The following CCM2L variants were observed in gnomAD, a reference collection of about 807,000 sequenced individuals.
CCM2L encodes CCM2 like scaffold protein, also known as cerebral cavernous malformations 2 protein-like.
In CCM2L, 36 loss-of-function variants were observed where a neutral mutation model predicts 54.1. The observed-to-expected ratio is 0.67, with a 90% confidence interval of 0.51 to 0.88. The LOEUF is 0.88. CCM2L is among the 40% of genes least tolerant of loss of function. The pLI is 0.00. For synonymous variants in CCM2L, 351 were observed against 359.3 expected, an observed-to-expected ratio of 0.98 and a Z score of 0.26; for missense variants, 700 against 812.1, an observed-to-expected ratio of 0.86 and a Z score of 1.68.
At chr20:32,015,477 T>A (rs2064733716) in intron 2 of CCM2L, among the ~76,000 whole-genome samples, 1 of 152,238 alleles carries the variant, frequency 6.6e-6, no homozygotes, top group Non-Finnish European at 1.5e-5. Context: ...CAAAGGTTTT[T>A]AAAGGAAAAG....
intron 1 of CCM2L, among the ~76,000 whole-genome samples, chr20:32,012,523 G>A (rs767073185): frequency 6.6e-5 from 10 of 152,166 alleles, no homozygotes; most frequent in Non-Finnish European, 1.3e-4. Context: ...TTATGCTGAT[G>A]GCTGTGGGGC....
At chr20:32,023,966 C>A (rs567749742) in intron 6 of CCM2L, among the ~76,000 whole-genome samples, 77 of 152,244 alleles carry the variant, frequency 5.1e-4, no homozygotes, top group African/African-American at 1.8e-3. Context: ...ATCTCTTGAC[C>A]TCGTGATCTG....
intron 1 of CCM2L, among the ~76,000 whole-genome samples, chr20:32,013,921 A>C (rs2064715636): frequency 6.6e-6 from 1 of 152,120 alleles, no homozygotes; most frequent in Non-Finnish European, 1.5e-5. Context: ...GATAATCTGC[A>C]TTTCTCTCAG....
At chr20:32,013,367 G>A (rs1264103518) in intron 1 of CCM2L, among the ~76,000 whole-genome samples, 2 of 152,130 alleles carry the variant, frequency 1.3e-5, no homozygotes, top group African/African-American at 4.8e-5. Context: ...CAGTTGGTTG[G>A]GAGTGTAACC....
At chr20:32,015,627 T>C (rs1049675123) in intron 2 of CCM2L, among the ~76,000 whole-genome samples, 2 of 152,234 alleles carry the variant, frequency 1.3e-5, no homozygotes, top group African/African-American at 4.8e-5. Context: ...TGTGATGGCC[T>C]TTGTGCAAAG....
At chr20:32,020,210 C>G (rs2122341276) in intron 5 of CCM2L, among the ~76,000 whole-genome samples, 1 of 152,296 alleles carries the variant, frequency 6.6e-6, no homozygotes, top group South Asian at 2.1e-4. Context: ...ACCACCAGAT[C>G]CCTCCGTATA....
chr20:32,031,413 G>A lies in CCM2L; in HGVS notation c.*99G>A. 9.7e-7 allele frequency: 1 copy of A among 1,033,050 alleles called. No individual in the cohort carries two copies. The highest frequency in any genetic ancestry group is 1.3e-6 in the Non-Finnish European group (1 of 799,412). 64.0% of individuals were successfully genotyped at this position (1,033,050 alleles called of 1,614,324 possible). ...CAGGGCCCCCCCATCACACCTGGCG[G>A]GGCCGGGGGGTCTTCACTCCAGGGT... is the stretch of plus-strand genomic sequence containing the variant. On this transcript the variant is annotated 3_prime_UTR_variant, in exon 10 of 10. Coordinates refer to ENST00000452892, the MANE Select transcript of CCM2L (RefSeq NM_001365692.1).
intron 6 of CCM2L, among the ~76,000 whole-genome samples, chr20:32,024,544 A>G (rs1170591997): frequency 1.3e-5 from 2 of 152,082 alleles, no homozygotes; most frequent in Admixed American, 6.6e-5. Context: ...ACACAACCAC[A>G]GGTTGGGCAC....
intron 2 of CCM2L, among the ~76,000 whole-genome samples, chr20:32,015,859 C>CTTTTTATTT (rs2064737045): frequency 7.8e-6 from 1 of 127,924 alleles, no homozygotes; most frequent in South Asian, 2.4e-4. Flanking sequence ...AGCTGTACTT[C>CTTTTTATTT]TTTTTTTTTT....
At chr20:32,023,932 T>A in intron 6 of CCM2L, among the ~76,000 whole-genome samples, 1 of 152,202 alleles carries the variant, frequency 6.6e-6, no homozygotes, top group Non-Finnish European at 1.5e-5. Context: ...GGTTTCACCA[T>A]GTTAGTTGGC....
At chr20:32,016,624 C>G (rs1426168644) in intron 2 of CCM2L, among the ~76,000 whole-genome samples, 2 of 151,934 alleles carry the variant, frequency 1.3e-5, no homozygotes, top group African/African-American at 4.8e-5. Flanking sequence ...CTGCTGCACT[C>G]CAGCCCGGGC....
chr20:32,010,562 G>A, intron 1 of CCM2L, 78 bp downstream of exon 1: 2 of 1,084,326 alleles, frequency 1.8e-6, no homozygotes, highest in African/African-American at 1.6e-5. Flanking sequence ...GGGCGGGGTG[G>A]GGGGTCGGTA....
intron 7 of CCM2L, 90 bp downstream of exon 7, chr20:32,026,009 C>G (rs1303341996): frequency 2.0e-6 from 2 of 978,858 alleles, no homozygotes; most frequent in Non-Finnish European, 2.9e-6. Flanking sequence ...GGTGACCCAA[C>G]CTTGATGTGT....
intron 1 of CCM2L, among the ~76,000 whole-genome samples, chr20:32,012,772 G>A (rs1004921068): frequency 6.6e-6 from 1 of 152,216 alleles, no homozygotes; most frequent in Non-Finnish European, 1.5e-5. Flanking sequence ...GCACCCAGCA[G>A]AGTCCAGCCA....
chr20:32,018,986 A>T lies in CCM2L; in HGVS notation c.510A>T (p.Pro170=), dbSNP rs905950571. 1.4e-5 allele frequency: 19 copies of T among 1,398,282 alleles called. No homozygotes were observed. The highest frequency in any genetic ancestry group is 1.7e-5 in the Non-Finnish European group (18 of 1,080,434). 86.6% of individuals were successfully genotyped at this position (1,398,282 alleles called of 1,614,324 possible). A position where few individuals can be genotyped will look rare whatever the true frequency, so the allele number is the denominator to read the frequency against. The change falls in exon 5 of 10, where the codon CCA becomes CCT. Residue 170 remains proline, a synonymous_variant. Coordinates refer to ENST00000452892, the MANE Select transcript of CCM2L (RefSeq NM_001365692.1). ...TGCCGGCCGGCGTGGATGCCAGCCC[A>T]GGCGGCGCAGGACGCGACCCCGGCC... ...DPVPAGVDAS[P]GGAGRDPGPP...
At position 32,022,799 on chromosome 20, in the gene CCM2L, A is replaced by G. The variant is rs966483630; in HGVS notation, c.1069+4A>G. On this transcript the variant is annotated splice_donor_region_variant and intron_variant, in intron 6 of 9. Transcript: ENST00000452892. The stretch of plus-strand genomic sequence containing the variant: ...CGGCCATGGCTCTGCAGCCGCAGTG[A>G]GTACCAGAACTCCTGGCCTCCCCTC... 1 of 1,612,654 alleles carries G rather than the reference A, an allele frequency of 6.2e-7. No homozygotes were observed. Among genetic ancestry groups the G allele is most frequent in the Non-Finnish European group, 8.5e-7 (1 of 1,179,980 alleles).
At chr20:32,010,538 A>T in intron 1 of CCM2L, 54 bp downstream of exon 1, 1 of 772,412 alleles carries the variant, frequency 1.3e-6, no homozygotes, top group Non-Finnish European at 1.9e-6. Flanking sequence ...AAAGCTGGGG[A>T]AGGGGGCAAA....
Position 32,018,939 on chromosome 20 carries a change from C to A in CCM2L, c.467-4C>A. On this transcript the variant is annotated splice_polypyrimidine_tract_variant and splice_region_variant and intron_variant, in intron 4 of 9. Coordinates refer to ENST00000452892, the MANE Select transcript of CCM2L (RefSeq NM_001365692.1). ...GCGGCTGACGGTCCCCCGGACTCTCCTAGGTCTGGGTGTGGACCCGGTGCC... is the reference window on the plus strand; with the variant it reads ...GCGGCTGACGGTCCCCCGGACTCTCATAGGTCTGGGTGTGGACCCGGTGCC... The A allele has an allele frequency of 7.2e-7, 1 of 1,383,336 alleles. No homozygotes were observed. Among genetic ancestry groups the A allele is most frequent in the South Asian group, 1.6e-5 (1 of 62,470 alleles). 85.7% of individuals were successfully genotyped at this position (1,383,336 alleles called of 1,614,324 possible).
In CCM2L at chr20:32,014,727, T is replaced by A. The variant is rs1347113040; in HGVS notation, c.31-177T>A. Among the ~76,000 whole-genome samples, 3 of 152,212 alleles carry A rather than the reference T, an allele frequency of 2.0e-5. No individual in the cohort carries two copies. The East Asian group carries it at 5.8e-4, about 29-fold the overall frequency. ...CCACCACTACTAGCTGGTGACTTTA[T>A]CAGTTAGTTCCTCTCTAGGGTTTAC... is the stretch of plus-strand genomic sequence containing the variant. On this transcript the variant is annotated intron_variant, in intron 1 of 9. Transcript: ENST00000452892.
Sources: gnomAD v4.1 joint callset for allele counts (sites outside exome capture counted in the v4.1 genomes callset) on GRCh38, gnomAD v4.1.1 for gene constraint, MANE v1.5 for transcripts, NCBI Gene and HGNC (gene_info 2026-07-23, HGNC 2026-07-21) for gene names.